The following BPNT1 variants were observed in gnomAD, a reference collection of about 807,000 sequenced individuals.
The protein encoded by BPNT1 is 3'(2'),5'-bisphosphate nucleotidase 1.
BPNT1 carries 28 observed loss-of-function variants against 36.9 expected under a neutral mutation model. That is an observed-to-expected ratio of 0.76 (90% CI 0.56 to 1.04). The LOEUF is 1.04. BPNT1 is among the 50% of genes least tolerant of loss of function. The pLI is 0.00. For missense variants in BPNT1, 313 were observed against 372.9 expected (o/e 0.84, Z 1.32); for synonymous variants, 119 against 130.9 (o/e 0.91, Z 0.62).
intron 6 of BPNT1, among the ~76,000 whole-genome samples, chr1:220,065,076 G>A (rs1256735261): frequency 1.3e-5 from 2 of 152,144 alleles, no homozygotes; most frequent in Non-Finnish European, 2.9e-5. Flanking sequence ...CCAAAGTGCT[G>A]GGATTACAGG....
chr1:220,059,621 T>C (rs1662836934), intron 8 of BPNT1, 65 bp downstream of exon 8: 3 of 1,172,354 alleles, frequency 2.6e-6, no homozygotes, highest in Non-Finnish European at 3.7e-6. Flanking sequence ...ATTACTGAGA[T>C]ATTATGTCTT....
At chr1:220,079,944 AG>A in intron 1 of BPNT1, 90 bp from the exon 2 acceptor site, 2 of 1,340,776 alleles carry the variant, frequency 1.5e-6, no homozygotes, top group South Asian at 3.0e-5. Context: ...ATATTAATTG[AG>A]TGCTAACTTG....
intron 1 of BPNT1, among the ~76,000 whole-genome samples, chr1:220,088,555 C>G (rs1343080162): frequency 1.3e-5 from 2 of 150,868 alleles, no homozygotes; most frequent in African/African-American, 4.9e-5. Flanking sequence ...TTTGGGAGGC[C>G]AAGGCTGGTG....
intron 6 of BPNT1, among the ~76,000 whole-genome samples, chr1:220,064,912 A>G (rs533891325): frequency 6.6e-6 from 1 of 152,198 alleles, no homozygotes; most frequent in African/African-American, 2.4e-5. Flanking sequence ...GGTTCAAGCA[A>G]TTCTCTTGCC....
At chr1:220,088,802 A>G (rs570272497) in intron 1 of BPNT1, among the ~76,000 whole-genome samples, 290 of 135,218 alleles carry the variant, frequency 2.1e-3, no homozygotes, top group Middle Eastern at 4.2e-3. Context: ...AAAAAAAAAA[A>G]AAAGAAAGAA....
chr1:220,081,923 G>A (rs1014715588), intron 1 of BPNT1, among the ~76,000 whole-genome samples: 15 of 151,506 alleles, frequency 9.9e-5, no homozygotes, highest in East Asian at 1.9e-4. Flanking sequence ...GATTCCGAAA[G>A]CACTCCCTAA....
intron 2 of BPNT1, 47 bp from the exon 3 acceptor site, chr1:220,074,118 T>G (rs1190345837): frequency 1.3e-6 from 2 of 1,550,538 alleles, no homozygotes; most frequent in Non-Finnish European, 1.8e-6. Flanking sequence ...AAAAATAAGT[T>G]GTCCTCTGAT....
At position 220,072,962 on chromosome 1, in the gene BPNT1, A is replaced by G; in HGVS notation, c.226-5T>C. 6.2e-7 allele frequency: 1 copy of G among 1,610,648 alleles called. No homozygotes were observed. Among genetic ancestry groups the G allele is most frequent in the Non-Finnish European group, 8.5e-7 (1 of 1,176,966 alleles). On this transcript the variant is annotated splice_polypyrimidine_tract_variant and splice_region_variant and intron_variant, in intron 3 of 8. Transcript: ENST00000322067. ...CACTTCCTCAGAAGGCAGATCCTAA[A>G]GCAGAGATAACCCTAATGGTTACTG...
chr1:220,083,792 T>C (rs1655447046), intron 1 of BPNT1, among the ~76,000 whole-genome samples: 1 of 152,180 alleles, frequency 6.6e-6, no homozygotes, highest in African/African-American at 2.4e-5. Context: ...TTGTGATCTG[T>C]TAAAACTGAG....
At chr1:220,087,418 G>A (rs1002720695) in intron 1 of BPNT1, among the ~76,000 whole-genome samples, 1 of 151,812 alleles carries the variant, frequency 6.6e-6, no homozygotes, top group African/African-American at 2.4e-5. Flanking sequence ...AGCCGGGCTT[G>A]GTGGCACGCG....
intron 3 of BPNT1, among the ~76,000 whole-genome samples, chr1:220,073,293 TA>T (rs1264545566): frequency 6.6e-6 from 1 of 152,054 alleles, no homozygotes; most frequent in Non-Finnish European, 1.5e-5. Flanking sequence ...TTTCTTTTTT[TA>T]TTTTTTTTTT....
chr1:220,060,455 G>A (rs901207625), intron 7 of BPNT1, among the ~76,000 whole-genome samples: 4 of 151,852 alleles, frequency 2.6e-5, no homozygotes, highest in Admixed American at 6.6e-5. Flanking sequence ...CAGCCTGGGC[G>A]ACAGAGCGAG....
intron 1 of BPNT1, among the ~76,000 whole-genome samples, chr1:220,086,494 G>C (rs1404461990): frequency 6.6e-6 from 1 of 151,924 alleles, no homozygotes; most frequent in African/African-American, 2.4e-5. Flanking sequence ...GGCTGGTCTC[G>C]AACACCTGAC....
At chr1:220,066,213 G>A (rs985180106) in intron 6 of BPNT1, 6 of 792,148 alleles carry the variant, frequency 7.6e-6, no homozygotes, top group Admixed American at 3.0e-5. Context: ...GAAAGGTACC[G>A]TGCATTACAA....
chr1:220,084,831 G>A (rs1477020764), intron 1 of BPNT1, among the ~76,000 whole-genome samples: 1 of 151,958 alleles, frequency 6.6e-6, no homozygotes, highest in Admixed American at 6.6e-5. Context: ...ATAAGAATGG[G>A]AAAAATAAGA....
At position 220,063,124 on chromosome 1, in the gene BPNT1, G is replaced by A. The variant is rs190930380; in HGVS notation, c.475-170C>T. Among the ~76,000 whole-genome samples, 926 of 152,280 alleles carry A rather than the reference G, an allele frequency of 6.1e-3. 11 individuals carry two copies. The highest frequency in any genetic ancestry group is 5.3e-3 in the Non-Finnish European group (358 of 68,002). On this transcript the variant is annotated intron_variant, in intron 6 of 8. Transcript: ENST00000322067. ...AGCACTTTGGGAGGCCGAGGCGGGCGGATCACGAGGTCAGGATATCTAAAC... is the reference window on the plus strand; with the variant it reads ...AGCACTTTGGGAGGCCGAGGCGGGCAGATCACGAGGTCAGGATATCTAAAC...
At chr1:220,088,495 A>C (rs1166331270) in intron 1 of BPNT1, among the ~76,000 whole-genome samples, 8 of 150,886 alleles carry the variant, frequency 5.3e-5, no homozygotes, top group African/African-American at 1.9e-4. Context: ...AAAAAAAAAA[A>C]AAAAAATTGT....
intron 6 of BPNT1, chr1:220,065,988 T>G: frequency 1.1e-6 from 1 of 945,458 alleles, no homozygotes; most frequent in Non-Finnish European, 1.5e-6. Context: ...GTATGTGGGA[T>G]GTACAATGAC....
At chr1:220,079,602 G>T in intron 2 of BPNT1, 125 bp downstream of exon 2, 1 of 1,183,314 alleles carries the variant, frequency 8.5e-7, no homozygotes, top group Non-Finnish European at 1.2e-6. Flanking sequence ...CAAGCGTCTT[G>T]CAGTCTCCCT....
Sources: allele counts gnomAD v4.1 joint callset (sites outside exome capture counted in the v4.1 genomes callset), GRCh38; gene constraint gnomAD v4.1.1; transcripts MANE v1.5; gene names NCBI Gene and HGNC (gene_info 2026-07-23, HGNC 2026-07-21).